The following OTUD7A variants were observed in gnomAD, a reference collection of about 807,000 sequenced individuals.
The protein encoded by OTUD7A is OTU deubiquitinase 7A.
OTUD7A carries 12 observed loss-of-function variants against 65.7 expected under a neutral mutation model. The ratio of observed to expected loss-of-function variants is 0.18; its 90% confidence interval spans 0.12 to 0.30. The LOEUF (loss-of-function observed/expected upper bound fraction) is 0.30, where lower values mean the gene tolerates loss of function less well. Ranked by LOEUF, OTUD7A falls within the 10% of genes least tolerant of loss-of-function variation. The pLI, the probability that OTUD7A is intolerant of heterozygous loss-of-function variation, is 1.00. For synonymous variants in OTUD7A, 641 were observed against 586.3 expected, an observed-to-expected ratio of 1.09 and a Z score of -1.35; for missense variants, 1,148 against 1,304.8, an observed-to-expected ratio of 0.88 and a Z score of 1.85.
intron 4 of OTUD7A, among the ~76,000 whole-genome samples, chr15:31,562,587 C>T (rs1396835926): frequency 6.6e-6 from 1 of 151,750 alleles, no homozygotes; most frequent in African/African-American, 2.4e-5. Context: ...TTCCAAGGAA[C>T]TGTGAGTTAA....
intron 1 of OTUD7A, among the ~76,000 whole-genome samples, chr15:31,801,045 A>G (rs1896110052): frequency 6.8e-6 from 1 of 147,068 alleles, no homozygotes; most frequent in East Asian, 2.1e-4. Flanking sequence ...AGCATTATCC[A>G]GCAGCCTCAA....
chr15:31,600,819 G>C (rs1439776949), intron 3 of OTUD7A, among the ~76,000 whole-genome samples: 1 of 152,162 alleles, frequency 6.6e-6, no homozygotes, highest in East Asian at 1.9e-4. Flanking sequence ...CCTAGTCTCT[G>C]ATAAAACAGA....
At position 31,483,764 on chromosome 15, in the gene OTUD7A, C is replaced by T; in HGVS notation, c.2332G>A (p.Val778Ile). The T allele has an allele frequency of 2.8e-6, 3 of 1,071,390 alleles. No homozygotes were observed. Among genetic ancestry groups the T allele is most frequent in the African/African-American group, 1.7e-5 (1 of 58,766 alleles). The allele number at this position is 1,071,390 out of a possible 1,614,324, so 66.4% of individuals were successfully genotyped here. ...RSPPAPARQSVIHVQASGARD... is the reference protein window; with the variant it reads ...RSPPAPARQSIIHVQASGARD... ...GCGCCCGACGCCTGCACGTGGATGACGCTCTGGCGCGCTGGCGCCGGGGGG... is the reference window on the plus strand; with the variant it reads ...GCGCCCGACGCCTGCACGTGGATGATGCTCTGGCGCGCTGGCGCCGGGGGG... Residue 778 changes from valine to isoleucine, a missense_variant, in exon 13 of 13, where the codon GTC (valine) becomes ATC (isoleucine). This residue lies in a region of OTUD7A where 842 missense variants were observed against 769.5 expected (regional missense o/e 1.09). Coordinates refer to ENST00000307050, the MANE Select transcript of OTUD7A (RefSeq NM_001382637.1).
intron 3 of OTUD7A, among the ~76,000 whole-genome samples, chr15:31,642,007 G>A (rs931159109): frequency 6.6e-5 from 10 of 152,198 alleles, no homozygotes; most frequent in African/African-American, 2.4e-4. Context: ...TTGGGGAAAA[G>A]CTTTCTTTCA....
chr15:31,643,329 G>A (rs533458826), intron 3 of OTUD7A, among the ~76,000 whole-genome samples: 6 of 152,006 alleles, frequency 3.9e-5, no homozygotes, highest in African/African-American at 1.4e-4. Flanking sequence ...TTTTTTCTGT[G>A]TTTCATTTTG....
In OTUD7A at chr15:31,484,377, C is replaced by T. The variant is rs2041200210; in HGVS notation, c.1719G>A (p.Lys573=). ...SAERGKEKKA[K]SRKGSKEESG... Reference sequence around the variant, plus strand: ...ACTCCTCCTTGCTGCCCTTGCGCGACTTGGCCTTCTTCTCCTTGCCCCGCT... The same window carrying T: ...ACTCCTCCTTGCTGCCCTTGCGCGATTTGGCCTTCTTCTCCTTGCCCCGCT... The change falls in exon 13 of 13, where the codon AAG becomes AAA. Residue 573 remains lysine (K), a synonymous_variant. Coordinates refer to ENST00000307050, the MANE Select transcript of OTUD7A (RefSeq NM_001382637.1). This position sits in a 1 kb window ranked among gnomAD's most constrained non-coding sequence, Gnocchi z 4.5. 6 of 1,601,264 alleles carry T rather than the reference C, an allele frequency of 3.7e-6. No homozygotes were observed. The highest frequency in any genetic ancestry group is 5.1e-6 in the Non-Finnish European group (6 of 1,179,702).
intron 3 of OTUD7A, among the ~76,000 whole-genome samples, chr15:31,609,490 C>T (rs1435623687): frequency 1.3e-5 from 2 of 152,082 alleles, no homozygotes; most frequent in Non-Finnish European, 2.9e-5. Flanking sequence ...GCAGAGGCAG[C>T]CATAATCCTC....
intron 1 of OTUD7A, among the ~76,000 whole-genome samples, chr15:31,834,208 A>C (rs774346473): frequency 6.6e-6 from 1 of 152,248 alleles, no homozygotes; most frequent in Admixed American, 6.5e-5. Flanking sequence ...TCAAACAGAT[A>C]AAAGAATACA....
chr15:31,588,468 C>T (rs553093599), intron 3 of OTUD7A, among the ~76,000 whole-genome samples: 29 of 152,292 alleles, frequency 1.9e-4, no homozygotes, highest in South Asian at 6.2e-4. Flanking sequence ...AAAGGGATTT[C>T]AAAGTTAATG....
chr15:31,796,195 T>TG (rs1895953036), intron 1 of OTUD7A, among the ~76,000 whole-genome samples: 1 of 16,600 alleles, frequency 6.0e-5, no homozygotes. Flanking sequence ...GCATTATCTA[T>TG]CTATCTATCT....
chr15:31,661,783 A>G (rs1345634513), intron 1 of OTUD7A, among the ~76,000 whole-genome samples: 2 of 152,248 alleles, frequency 1.3e-5, no homozygotes, highest in African/African-American at 4.8e-5. Context: ...CAAATGTTGT[A>G]AGTTCACATA....
intron 3 of OTUD7A, among the ~76,000 whole-genome samples, chr15:31,572,875 G>T (rs1446399563): frequency 6.6e-6 from 1 of 151,784 alleles, no homozygotes; most frequent in Non-Finnish European, 1.5e-5. Flanking sequence ...AAAGAAAAAT[G>T]TTAGATACCG....
chr15:31,829,979 T>G (rs965174338), intron 1 of OTUD7A, among the ~76,000 whole-genome samples: 4 of 152,172 alleles, frequency 2.6e-5, no homozygotes, highest in Non-Finnish European at 4.4e-5. Flanking sequence ...CACCTGTTCC[T>G]TGTCTGGGGC....
chr15:31,794,717 G>GC (rs1895907326), intron 1 of OTUD7A, among the ~76,000 whole-genome samples: 1 of 151,602 alleles, frequency 6.6e-6, no homozygotes, highest in Non-Finnish European at 1.5e-5. Flanking sequence ...TCGCCCCCCA[G>GC]CCCACCGTCT....
At chr15:31,864,428 T>C (rs1897825125) in intron 1 of OTUD7A, among the ~76,000 whole-genome samples, 1 of 152,120 alleles carries the variant, frequency 6.6e-6, no homozygotes, top group Admixed American at 6.5e-5. Flanking sequence ...TGGGGAGACC[T>C]CAGAATTACG....
intron 5 of OTUD7A, among the ~76,000 whole-genome samples, chr15:31,532,943 A>G (rs1887679456): frequency 1.3e-5 from 2 of 151,686 alleles, no homozygotes; most frequent in African/African-American, 4.8e-5. Context: ...CAAAAAAAAA[A>G]AAAAAAAAAA....
chr15:31,798,402 C>T (rs1896030853), intron 1 of OTUD7A, among the ~76,000 whole-genome samples: 1 of 152,078 alleles, frequency 6.6e-6, no homozygotes, highest in East Asian at 1.9e-4. Flanking sequence ...GCTTGCTGTC[C>T]AGGTGTCCAG....
Position 31,481,793 on chromosome 15 carries a change from G to A in OTUD7A, c.*1501C>T, listed in dbSNP as rs1595545880. On this transcript the variant is annotated 3_prime_UTR_variant, in exon 13 of 13. Coordinates refer to ENST00000307050, the MANE Select transcript of OTUD7A (RefSeq NM_001382637.1). Reference sequence around the variant, plus strand: ...CTCTTTAGTTAGGGAAAAAAGCATCGTTTCTAGAGGAGAAGCTGGCTCCAG... The same window carrying A: ...CTCTTTAGTTAGGGAAAAAAGCATCATTTCTAGAGGAGAAGCTGGCTCCAG... 6.6e-6 allele frequency: 1 copy of A among 151,804 alleles called. No homozygotes were observed. The highest frequency in any genetic ancestry group is 1.5e-5 in the Non-Finnish European group (1 of 67,944). The allele number at this position is 151,804 out of a possible 1,614,324, so 9.4% of individuals were successfully genotyped here. A position where few individuals can be genotyped will look rare whatever the true frequency, so the allele number is the denominator to read the frequency against.
chr15:31,541,249 T>C (rs1016173987), intron 5 of OTUD7A, among the ~76,000 whole-genome samples: 2 of 152,004 alleles, frequency 1.3e-5, no homozygotes, highest in Admixed American at 1.3e-4. Flanking sequence ...AAAGGAACCA[T>C]GTGAGGAATG....
Sources: gnomAD v4.1 joint callset for allele counts (sites outside exome capture counted in the v4.1 genomes callset) on GRCh38, gnomAD v4.1.1 for gene constraint, gnomAD v4.1.1 regional missense constraint, Gnocchi (gnomAD v3.1) non-coding constraint, MANE v1.5 for transcripts, NCBI Gene and HGNC (gene_info 2026-07-23, HGNC 2026-07-21) for gene names.